AOAH: variants seen among roughly 807,000 people sequenced by gnomAD.
AOAH encodes the protein acyloxyacyl hydrolase, also known as acyloxyacyl hydrolase (neutrophil).
In AOAH, 64 loss-of-function variants were observed where a neutral mutation model predicts 92.2. The ratio of observed to expected loss-of-function variants is 0.69; its 90% CI spans 0.57 to 0.86. AOAH has a LOEUF of 0.86. Ranked by LOEUF, AOAH falls within the 40% of genes least tolerant of loss-of-function variation. The pLI, the probability that AOAH is intolerant of heterozygous loss-of-function variation, is 0.00. For missense variants in AOAH, 656 were observed against 694.6 expected, an observed-to-expected ratio of 0.94 and a Z score of 0.62; for synonymous variants, 263 against 254.5, an observed-to-expected ratio of 1.03 and a Z score of -0.32.
intron 5 of AOAH, among the ~76,000 whole-genome samples, chr7:36,634,874 C>G (rs1583996163): frequency 1.3e-5 from 2 of 152,260 alleles, no homozygotes; most frequent in East Asian, 3.9e-4. Context: ...TATATAATTG[C>G]ACAGCTGTTT....
At chr7:36,544,075 T>G (rs963851819) in intron 15 of AOAH, among the ~76,000 whole-genome samples, 6 of 150,302 alleles carry the variant, frequency 4.0e-5, no homozygotes, top group Non-Finnish European at 7.4e-5. Flanking sequence ...GCCTCCCAAG[T>G]AGCTAGGACT....
rs1799841988 is a variant in AOAH at position 36,724,339 on chromosome 7, T to A, written c.-191A>T. 1.9e-6 allele frequency: 1 copy of A among 514,662 alleles called. No individual in the cohort carries two copies. The highest frequency in any genetic ancestry group is 3.4e-6 in the Non-Finnish European group (1 of 294,122). The allele number at this position is 514,662 out of a possible 1,614,324, so 31.9% of individuals were successfully genotyped here. On this transcript the variant is annotated 5_prime_UTR_variant, in exon 1 of 21. Coordinates refer to ENST00000617537, the MANE Select transcript of AOAH (RefSeq NM_001637.4). ...AGTGAATAAAAGCACACATAAACAC[T>A]CACAGACCCACAGCTTGCTCTTGTT... is the stretch of plus-strand genomic sequence containing the variant.
At chr7:36,684,906 CAAAAAAAAAAAAAAAAAA>C (rs57827044) in intron 2 of AOAH, among the ~76,000 whole-genome samples, 1 of 59,986 alleles carries the variant, frequency 1.7e-5, no homozygotes, top group Non-Finnish European at 2.9e-5. Flanking sequence ...GACCTTGTCT[CAAAAAAAAAAAAAAAAAA>C]AAAAAAAAAA....
At chr7:36,620,878 G>A in intron 8 of AOAH, 49 bp from the exon 9 acceptor site, 1 of 1,544,922 alleles carries the variant, frequency 6.5e-7, no homozygotes, top group Non-Finnish European at 8.9e-7. Flanking sequence ...TTGTCTCTCA[G>A]TGGATGTCAG....
chr7:36,696,963 C>T (rs569292993), intron 1 of AOAH, among the ~76,000 whole-genome samples: 1 of 152,086 alleles, frequency 6.6e-6, no homozygotes, highest in African/African-American at 2.4e-5. Flanking sequence ...TAGGATTTTT[C>T]TATATTTAGG....
chr7:36,698,098 T>A (rs1344575268), intron 1 of AOAH, among the ~76,000 whole-genome samples: 1 of 152,256 alleles, frequency 6.6e-6, no homozygotes, highest in African/African-American at 2.4e-5. Context: ...CAATTTCTAA[T>A]TATGAATTCC....
intron 13 of AOAH, among the ~76,000 whole-genome samples, chr7:36,561,725 G>GA (rs1180481123): frequency 6.6e-6 from 1 of 152,116 alleles, no homozygotes; most frequent in African/African-American, 2.4e-5. Flanking sequence ...CATAAGTGGG[G>GA]AAAAAATAAT....
Position 36,517,222 on chromosome 7 carries a change from T to C in AOAH, c.1600-3842A>G, listed in dbSNP as rs28715094. ...TCTTTCTTTCTTTCTTTCTCTTTCT[T>C]TCTGTCTCTCTCTCTCTCTCTCTTT... On this transcript the variant is annotated intron_variant, in intron 20 of 20. Transcript: ENST00000617537. Among the ~76,000 whole-genome samples, 337 of 67,322 alleles carry C rather than the reference T, an allele frequency of 5.0e-3. 11 individuals are homozygous for C. The highest frequency in any genetic ancestry group is 0.013 in the African/African-American group (323 of 25,294). 44.2% of individuals were successfully genotyped at this position (67,322 alleles called of 152,430 possible).
chr7:36,641,301 C>T (rs543962816), intron 4 of AOAH, among the ~76,000 whole-genome samples: 2 of 152,286 alleles, frequency 1.3e-5, no homozygotes, highest in African/African-American at 4.8e-5. Context: ...AGGGATTCAC[C>T]CGGGAACTGC....
At chr7:36,720,539 C>T (rs922435602) in intron 1 of AOAH, among the ~76,000 whole-genome samples, 5 of 152,106 alleles carry the variant, frequency 3.3e-5, no homozygotes, top group African/African-American at 7.2e-5. Flanking sequence ...GCTTTATGAG[C>T]GGAGTCTGCA....
rs771656372 is a variant in AOAH, at chr7:36,549,446, T to G, written c.1051A>C (p.Ile351Leu). ...TTCTTATCTTCTGCTTACCTTTCTATAAATTTCTTCAGGTTTCGGGAAGAT... is the reference window on the plus strand; with the variant it reads ...TTCTTATCTTCTGCTTACCTTTCTAGAAATTTCTTCAGGTTTCGGGAAGAT... ...GASSRNLKKFIESLSRNKVLD... is the reference protein window; with the variant it reads ...GASSRNLKKFLESLSRNKVLD... The change falls in exon 14 of 21, where the codon ATA (isoleucine) becomes CTA (leucine). Residue 351 changes from isoleucine to leucine, a missense_variant. By Grantham distance (5) the Ile-to-Leu change is conservative. Coordinates refer to ENST00000617537, the MANE Select transcript of AOAH (RefSeq NM_001637.4). The G allele has an allele frequency of 3.8e-6, 6 of 1,596,082 alleles. No homozygotes were observed. In the East Asian group the frequency reaches 1.3e-4, roughly 36 times the overall value.
intron 2 of AOAH, among the ~76,000 whole-genome samples, chr7:36,680,994 A>G (rs1796605982): frequency 2.1e-5 from 3 of 145,400 alleles, no homozygotes; most frequent in African/African-American, 8.1e-5. Context: ...GTTGTTTTAT[A>G]TTTTGCTAGT....
intron 2 of AOAH, among the ~76,000 whole-genome samples, chr7:36,680,490 C>G (rs1441067493): frequency 6.6e-6 from 1 of 152,018 alleles, no homozygotes; most frequent in Non-Finnish European, 1.5e-5. Flanking sequence ...TCCTTCTGTC[C>G]CCCATTCACC....
At chr7:36,696,950 C>T (rs1410900007) in intron 1 of AOAH, among the ~76,000 whole-genome samples, 1 of 151,820 alleles carries the variant, frequency 6.6e-6, no homozygotes, top group Non-Finnish European at 1.5e-5. Context: ...TTTGTAGATA[C>T]CTTAGGATTT....
At chr7:36,594,994 C>G (rs1013219293) in intron 11 of AOAH, among the ~76,000 whole-genome samples, 2 of 152,014 alleles carry the variant, frequency 1.3e-5, no homozygotes, top group Non-Finnish European at 2.9e-5. Context: ...CTCACGGACC[C>G]CCTGCAACTC....
chr7:36,620,286 C>T (rs12537490), intron 9 of AOAH, among the ~76,000 whole-genome samples: 61,594 of 151,776 alleles, frequency 0.41, 12,781 homozygotes, highest in Non-Finnish European at 0.46. Flanking sequence ...TTTCTTTCCC[C>T]GGGAGCTGCA....
At chr7:36,615,209 G>A (rs1399412531) in intron 11 of AOAH, among the ~76,000 whole-genome samples, 2 of 152,210 alleles carry the variant, frequency 1.3e-5, no homozygotes, top group South Asian at 2.1e-4. Context: ...GTTCAGTGCT[G>A]TTACAGTGGC....
chr7:36,623,683 A>G (rs528542859), intron 6 of AOAH, among the ~76,000 whole-genome samples: 10 of 152,286 alleles, frequency 6.6e-5, no homozygotes, highest in South Asian at 2.1e-4. Flanking sequence ...GAGAATCTTG[A>G]CCATTTAGCT....
At chr7:36,633,453 C>A (rs1793282834) in intron 5 of AOAH, among the ~76,000 whole-genome samples, 1 of 152,202 alleles carries the variant, frequency 6.6e-6, no homozygotes, top group African/African-American at 2.4e-5. Context: ...TCAGAATCTG[C>A]ATTTTAACAA....
Sources: allele counts gnomAD v4.1 joint callset (sites outside exome capture counted in the v4.1 genomes callset), GRCh38; gene constraint gnomAD v4.1.1; transcripts MANE v1.5; gene names NCBI Gene and HGNC (gene_info 2026-07-23, HGNC 2026-07-21).